SRGAP2C: variants seen among roughly 807,000 people sequenced by gnomAD.
SRGAP2C encodes SLIT-ROBO Rho GTPase-activating protein 2C.
A neutral mutation model predicts 25.1 loss-of-function variants in SRGAP2C; 15 were observed. The ratio of observed to expected loss-of-function variants is 0.60; its 90% CI spans 0.40 to 0.92. The LOEUF (loss-of-function observed/expected upper bound fraction) is 0.92. Ranked by LOEUF, SRGAP2C falls within the 40% of genes least tolerant of loss-of-function variation. The probability of loss-of-function intolerance (pLI) is 0.00; values close to 1 mark genes in which losing one functional copy is unlikely to be tolerated. For synonymous variants in SRGAP2C, 44 were observed against 96.6 expected (o/e 0.46, Z 3.19); for missense variants, 144 against 264.4 (o/e 0.54, Z 3.16).
At chr1:121,259,635 A>G (rs1326885347) in intron 2 of SRGAP2C, among the ~76,000 whole-genome samples, 2 of 151,788 alleles carry the variant, frequency 1.3e-5, no homozygotes, top group African/African-American at 4.8e-5. Flanking sequence ...TGTATCAGAC[A>G]CTACTCTAGA....
At chr1:121,208,837 A>G (rs1169898685) in intron 2 of SRGAP2C, among the ~76,000 whole-genome samples, 1 of 152,186 alleles carries the variant, frequency 6.6e-6, no homozygotes, top group Non-Finnish European at 1.5e-5. Flanking sequence ...TTTGAAAGGC[A>G]TATATGTGGG....
chr1:121,235,221 G>A (rs1655928041), intron 2 of SRGAP2C, among the ~76,000 whole-genome samples: 1 of 117,706 alleles, frequency 8.5e-6, no homozygotes, highest in Admixed American at 8.9e-5. Flanking sequence ...AGCAGAGACG[G>A]GGTTTCACCG....
At chr1:121,308,068 G>T (rs1470713856) in intron 3 of SRGAP2C, among the ~76,000 whole-genome samples, 2 of 151,440 alleles carry the variant, frequency 1.3e-5, no homozygotes, top group Non-Finnish European at 2.9e-5. Context: ...GTTATGTGTT[G>T]TCTTAGAATA....
intron 2 of SRGAP2C, among the ~76,000 whole-genome samples, chr1:121,219,079 CT>C (rs56392530): frequency 3.3e-5 from 5 of 152,014 alleles, no homozygotes; most frequent in Admixed American, 1.3e-4. Flanking sequence ...ATAGAAATAA[CT>C]TTTTTATACT....
At chr1:121,286,777 T>C (rs1213012976) in intron 3 of SRGAP2C, among the ~76,000 whole-genome samples, 1 of 150,772 alleles carries the variant, frequency 6.6e-6, no homozygotes, top group Non-Finnish European at 1.5e-5. Context: ...CTGGAAAGCC[T>C]CAAACAGGTT....
chr1:121,217,221 CCT>C (rs1558083779), intron 2 of SRGAP2C, among the ~76,000 whole-genome samples: 1 of 151,728 alleles, frequency 6.6e-6, no homozygotes, highest in Non-Finnish European at 1.5e-5. Flanking sequence ...GCCTCCTCAT[CCT>C]CTCATTGAGG....
intron 2 of SRGAP2C, among the ~76,000 whole-genome samples, chr1:121,259,671 A>G (rs1656567042): frequency 6.6e-6 from 1 of 151,612 alleles, no homozygotes; most frequent in African/African-American, 2.4e-5. Context: ...AATACAATAA[A>G]GATCTCTGTG....
intron 5 of SRGAP2C, among the ~76,000 whole-genome samples, chr1:121,370,439 C>CT (rs201539761): frequency 0.014 from 1,130 of 81,820 alleles, 25 homozygotes; most frequent in East Asian, 0.029. Context: ...CTCAGACTTC[C>CT]TTTTTTTTTT....
At chr1:121,271,514 A>G (rs1296363364) in intron 2 of SRGAP2C, among the ~76,000 whole-genome samples, 5 of 151,942 alleles carry the variant, frequency 3.3e-5, no homozygotes, top group African/African-American at 1.2e-4. Flanking sequence ...ATTTAATAAT[A>G]GCCCATGAAG....
At chr1:121,312,271 TCC>T (rs1657981319) in intron 3 of SRGAP2C, among the ~76,000 whole-genome samples, 1 of 46,256 alleles carries the variant, frequency 2.2e-5, no homozygotes, top group Non-Finnish European at 4.4e-5. Context: ...AGTGGTGATA[TCC>T]CCTTTATCAT....
At chr1:121,255,412 C>T (rs1290761810) in intron 2 of SRGAP2C, among the ~76,000 whole-genome samples, 2 of 151,704 alleles carry the variant, frequency 1.3e-5, no homozygotes, top group African/African-American at 4.8e-5. Context: ...TTGCAGACTT[C>T]CCTTGTTCCC....
At chr1:121,380,257 AT>A (rs1659781258) in intron 7 of SRGAP2C, among the ~76,000 whole-genome samples, 1 of 89,314 alleles carries the variant, frequency 1.1e-5, no homozygotes, top group South Asian at 3.3e-4. Flanking sequence ...CTATATTAGT[AT>A]TTTTTAAAAG....
intron 4 of SRGAP2C, among the ~76,000 whole-genome samples, chr1:121,349,795 G>GT (rs1658858354): frequency 4.4e-5 from 1 of 22,554 alleles, no homozygotes; most frequent in African/African-American, 1.9e-4. Flanking sequence ...AACTTAAAAC[G>GT]TAAGTGTGGC....
chr1:121,355,575 C>T (rs1659047946), intron 4 of SRGAP2C, among the ~76,000 whole-genome samples: 1 of 136,800 alleles, frequency 7.3e-6, no homozygotes, highest in Non-Finnish European at 1.6e-5. Context: ...TCCCAAAGTG[C>T]TGGGATTACA....
At chr1:121,219,119 A>C (rs1438255761) in intron 2 of SRGAP2C, among the ~76,000 whole-genome samples, 2 of 151,410 alleles carry the variant, frequency 1.3e-5, no homozygotes, top group African/African-American at 2.5e-5. Flanking sequence ...ATTATATAAG[A>C]ATTTAATATG....
intron 2 of SRGAP2C, among the ~76,000 whole-genome samples, chr1:121,236,284 A>G (rs1463170248): frequency 6.6e-6 from 1 of 151,802 alleles, no homozygotes; most frequent in Non-Finnish European, 1.5e-5. Context: ...GAAAACCACC[A>G]TGTAGTTCTG....
At position 121,391,426 on chromosome 1, in the gene SRGAP2C, A is replaced by G. The variant is rs868964296; in HGVS notation, c.*3571A>G. On this transcript the variant is annotated 3_prime_UTR_variant, in exon 10 of 10. Transcript: ENST00000367123. The stretch of plus-strand genomic sequence containing the variant: ...GAACACACACTTTGTGCCGGCTTTA[A>G]AGAACCCAGCACAAAGCCAGTCTGC... 1.7e-4 allele frequency: 26 copies of G among 152,276 alleles called. No individual in the cohort carries two copies. The highest frequency in any genetic ancestry group is 6.0e-4 in the African/African-American group (25 of 41,542). The allele number at this position is 152,276 out of a possible 1,614,324, so 9.4% of individuals were successfully genotyped here. A position where few individuals can be genotyped will look rare whatever the true frequency, so the allele number is the denominator to read the frequency against.
intron 2 of SRGAP2C, among the ~76,000 whole-genome samples, chr1:121,276,333 AC>A (rs1421778116): frequency 1.4e-5 from 2 of 146,270 alleles, no homozygotes; most frequent in African/African-American, 5.1e-5. Flanking sequence ...CATGACACAA[AC>A]TTTTACCAGC....
chr1:121,272,183 A>G (rs1411351458), intron 2 of SRGAP2C, among the ~76,000 whole-genome samples: 1 of 93,720 alleles, frequency 1.1e-5, no homozygotes, highest in Non-Finnish European at 2.2e-5. Context: ...AAAAAAGAAG[A>G]AGAAATGTAT....
Sources: gnomAD v4.1 joint callset for allele counts (sites outside exome capture counted in the v4.1 genomes callset) on GRCh38, gnomAD v4.1.1 for gene constraint, MANE v1.5 for transcripts, NCBI Gene and HGNC (gene_info 2026-07-23, HGNC 2026-07-21) for gene names.